DGKI: variants seen among roughly 807,000 people sequenced by gnomAD.
The protein encoded by DGKI is DAG kinase iota.
In DGKI, 55 loss-of-function variants were observed where a neutral mutation model predicts 147.5. The ratio of observed to expected loss-of-function variants is 0.37; its 90% CI spans 0.30 to 0.47. The LOEUF (loss-of-function observed/expected upper bound fraction) is 0.47, where lower values mean the gene tolerates loss of function less well. Ranked by LOEUF, DGKI falls within the 20% of genes least tolerant of loss-of-function variation. DGKI has a pLI of 1.00. For missense variants in DGKI, 1,007 were observed against 1,323.8 expected, an observed-to-expected ratio of 0.76 and a Z score of 3.71; for synonymous variants, 469 against 477.1, an observed-to-expected ratio of 0.98 and a Z score of 0.22.
intron 1 of DGKI, among the ~76,000 whole-genome samples, chr7:137,780,747 G>C (rs796992597): frequency 1.4e-4 from 22 of 152,200 alleles, no homozygotes; most frequent in African/African-American, 5.3e-4. Context: ...AGAGCTAGAC[G>C]TTTTGCAAAA....
At chr7:137,469,137 T>A (rs971104189) in intron 24 of DGKI, among the ~76,000 whole-genome samples, 2 of 152,192 alleles carry the variant, frequency 1.3e-5, no homozygotes, top group African/African-American at 4.8e-5. Flanking sequence ...AATGTATACA[T>A]CATACTGCAA....
intron 1 of DGKI, among the ~76,000 whole-genome samples, chr7:137,839,082 C>T (rs3800673): frequency 3.9e-5 from 6 of 152,214 alleles, no homozygotes; most frequent in East Asian, 1.9e-4. Context: ...CACCCCTCCA[C>T]GGCTGGCTTC....
Position 137,611,770 on chromosome 7 carries a change from G to A in DGKI, c.994-2161C>T, listed in dbSNP as rs566701928. Reference sequence around the variant, plus strand: ...TTCTCAGCTGTGTGTCCCCAACACCGAGCACAAATTCCTGGCACATAGTGT... The same window carrying A: ...TTCTCAGCTGTGTGTCCCCAACACCAAGCACAAATTCCTGGCACATAGTGT... On this transcript the variant is annotated intron_variant, in intron 8 of 32. Coordinates refer to ENST00000614521, the MANE Select transcript of DGKI (RefSeq NM_001321708.2). Among the ~76,000 whole-genome samples, 9 of 152,186 alleles carry A rather than the reference G, an allele frequency of 5.9e-5. No individual in the cohort carries two copies. In the South Asian group the frequency reaches 1.9e-3, roughly 32 times the overall value.
Position 137,389,618 on chromosome 7 carries a change from C to T in DGKI, c.*1602G>A, listed in dbSNP as rs1449927977. On this transcript the variant is annotated 3_prime_UTR_variant, in exon 33 of 33. Coordinates refer to ENST00000614521, the MANE Select transcript of DGKI (RefSeq NM_001321708.2). The stretch of plus-strand genomic sequence containing the variant: ...TTTCGCCAAAAGTAAAATCCTTGGA[C>T]ACCTACTTTTATTTTTGACTTACCC... 6.6e-6 allele frequency: 1 copy of T among 152,142 alleles called. No individual in the cohort carries two copies. Among genetic ancestry groups the T allele is most frequent in the Non-Finnish European group, 1.5e-5 (1 of 68,024 alleles). The allele number at this position is 152,142 out of a possible 1,614,324, so 9.4% of individuals were successfully genotyped here. A position where few individuals can be genotyped will look rare whatever the true frequency, so the allele number is the denominator to read the frequency against.
chr7:137,509,908 A>AT (rs1470838834), intron 21 of DGKI, among the ~76,000 whole-genome samples: 3 of 152,194 alleles, frequency 2.0e-5, no homozygotes, highest in Admixed American at 2.0e-4. Flanking sequence ...CATTCATGAC[A>AT]TGATAAATGG....
At chr7:137,643,189 G>T (rs886865774) in intron 6 of DGKI, among the ~76,000 whole-genome samples, 7 of 151,188 alleles carry the variant, frequency 4.6e-5, no homozygotes, top group African/African-American at 9.8e-5. Flanking sequence ...TACTTGGGAG[G>T]CTGAGGCAGG....
At chr7:137,623,419 T>C in intron 7 of DGKI, 64 bp downstream of exon 7, 5 of 1,469,252 alleles carry the variant, frequency 3.4e-6, no homozygotes, top group Non-Finnish European at 4.8e-6. Flanking sequence ...GAAACTCAAA[T>C]AATGACACAA....
At chr7:137,489,174 T>C (rs1815673842) in intron 21 of DGKI, among the ~76,000 whole-genome samples, 1 of 152,144 alleles carries the variant, frequency 6.6e-6, no homozygotes. Flanking sequence ...TGAGTGTGGA[T>C]TGTTTACCTT....
At chr7:137,703,740 C>T (rs938349226) in intron 1 of DGKI, among the ~76,000 whole-genome samples, 3 of 152,130 alleles carry the variant, frequency 2.0e-5, no homozygotes, top group Admixed American at 2.0e-4. Flanking sequence ...GCAACATAAA[C>T]AAACACTGGA....
intron 28 of DGKI, among the ~76,000 whole-genome samples, chr7:137,425,088 T>A (rs1311251200): frequency 6.6e-6 from 1 of 152,174 alleles, no homozygotes; most frequent in East Asian, 1.9e-4. Context: ...GACTTCCTCC[T>A]CAAATGGGTC....
At chr7:137,786,534 C>T (rs1796674166) in intron 1 of DGKI, among the ~76,000 whole-genome samples, 1 of 152,066 alleles carries the variant, frequency 6.6e-6, no homozygotes, top group South Asian at 2.1e-4. Flanking sequence ...GTGAAAATGA[C>T]CACACTGCCA....
intron 20 of DGKI, among the ~76,000 whole-genome samples, chr7:137,536,750 AAG>A (rs1390267552): frequency 6.6e-6 from 1 of 152,154 alleles, no homozygotes; most frequent in Non-Finnish European, 1.5e-5. Flanking sequence ...ACCATAAGGA[AAG>A]AGGGGTTGCA....
intron 5 of DGKI, among the ~76,000 whole-genome samples, chr7:137,651,004 G>C (rs1249056399): frequency 6.6e-6 from 1 of 152,202 alleles, no homozygotes; most frequent in Non-Finnish European, 1.5e-5. Flanking sequence ...GCAGGCAGGG[G>C]CCAGACAATG....
At chr7:137,663,618 G>A (rs1033514542) in intron 3 of DGKI, among the ~76,000 whole-genome samples, 2 of 152,078 alleles carry the variant, frequency 1.3e-5, no homozygotes, top group East Asian at 1.9e-4. Context: ...AGGTTTGAAC[G>A]GTGTGTCTGG....
At position 137,814,174 on chromosome 7, in the gene DGKI, G is replaced by A. The variant is rs62490516; in HGVS notation, c.401+32288C>T. On this transcript the variant is annotated intron_variant, in intron 1 of 32. Coordinates refer to ENST00000614521, the MANE Select transcript of DGKI (RefSeq NM_001321708.2). ...GAGGAATGGGAGGAGGAAGCCACCC[G>A]GAGAGTAGGATGACCCCACACACAG... is the stretch of plus-strand genomic sequence containing the variant. 2.6e-3 allele frequency among the ~76,000 whole-genome samples: 403 copies of A among 152,196 alleles called. 1 individual carries two copies. Among genetic ancestry groups the A allele is most frequent in the Non-Finnish European group, 4.6e-3 (312 of 68,016 alleles).
intron 1 of DGKI, among the ~76,000 whole-genome samples, chr7:137,737,204 C>CAA (rs763572711): frequency 0.016 from 1,365 of 83,402 alleles, 34 homozygotes; most frequent in African/African-American, 0.044. Flanking sequence ...CTCATTTCAC[C>CAA]AAAAAAAAAA....
At chr7:137,684,574 T>G (rs1231060276) in intron 2 of DGKI, among the ~76,000 whole-genome samples, 2 of 152,138 alleles carry the variant, frequency 1.3e-5, no homozygotes, top group African/African-American at 2.4e-5. Flanking sequence ...ATGATTTCCC[T>G]CGGCAGCCAG....
At chr7:137,666,354 G>C (rs1277396630) in intron 3 of DGKI, among the ~76,000 whole-genome samples, 3 of 152,144 alleles carry the variant, frequency 2.0e-5, no homozygotes, top group African/African-American at 7.2e-5. Flanking sequence ...AGTGAGCCAG[G>C]ATCACATCGC....
intron 3 of DGKI, among the ~76,000 whole-genome samples, chr7:137,663,702 A>G (rs1436123323): frequency 6.6e-6 from 1 of 152,168 alleles, no homozygotes; most frequent in African/African-American, 2.4e-5. Context: ...GCTGTCTATG[A>G]GGAGCTTCAT....
Sources: allele counts gnomAD v4.1 joint callset (sites outside exome capture counted in the v4.1 genomes callset), GRCh38; gene constraint gnomAD v4.1.1; transcripts MANE v1.5; gene names NCBI Gene and HGNC (gene_info 2026-07-23, HGNC 2026-07-21).